Variants in HNF4A observed in about 807,000 individuals in gnomAD.
The protein encoded by HNF4A is hepatocyte nuclear factor 4 alpha.
HNF4A carries 15 observed loss-of-function variants against 52.4 expected under a neutral mutation model. The observed-to-expected ratio is 0.29, with a 90% confidence interval of 0.19 to 0.44. The LOEUF (loss-of-function observed/expected upper bound fraction) is 0.44, where lower values mean the gene tolerates loss of function less well. Among genes scored for constraint, HNF4A ranks in the 20% least tolerant of loss-of-function variants. HNF4A has a pLI of 1.00. For missense variants in HNF4A, 479 were observed against 647.2 expected (o/e 0.74, Z 2.82); for synonymous variants, 280 against 264.4 (o/e 1.06, Z -0.57).
At chr20:44,424,443 G>T in intron 8 of HNF4A, 189 bp downstream of exon 8, 1 of 1,104,316 alleles carries the variant, frequency 9.1e-7, no homozygotes. Flanking sequence ...ATTTGTTCAG[G>T]CACCGAGAAC....
chr20:44,418,397 G>T, intron 5 of HNF4A, 28 bp from the exon 6 acceptor site: 1 of 1,600,492 alleles, frequency 6.2e-7, no homozygotes, highest in South Asian at 1.1e-5. Context: ...GGGTACAGAT[G>T]GCAAACACTG....
At chr20:44,407,845 A>G (rs2063525022) in intron 3 of HNF4A, among the ~76,000 whole-genome samples, 1 of 152,110 alleles carries the variant, frequency 6.6e-6, no homozygotes, top group African/African-American at 2.4e-5. Flanking sequence ...TATTGCAAAC[A>G]TCTGAGTACT....
chr20:44,412,187 A>G (rs1040237283), intron 3 of HNF4A, among the ~76,000 whole-genome samples: 36 of 152,232 alleles, frequency 2.4e-4, no homozygotes, highest in African/African-American at 7.7e-4. Flanking sequence ...GCAGTGAACT[A>G]GAGGGATGGA....
chr20:44,427,619 G>C (rs1432182759), intron 8 of HNF4A, among the ~76,000 whole-genome samples: 2 of 152,296 alleles, frequency 1.3e-5, no homozygotes, highest in East Asian at 3.9e-4. Flanking sequence ...AGCGGTTACT[G>C]TGTTCCAGAC....
intron 1 of HNF4A, among the ~76,000 whole-genome samples, chr20:44,385,017 G>GA (rs2063202155): frequency 7.2e-6 from 1 of 138,618 alleles, no homozygotes; most frequent in Non-Finnish European, 1.5e-5. Flanking sequence ...GGGAGGTGGG[G>GA]ATGCTGATAT....
Position 44,361,356 on chromosome 20 carries a change from A to T in HNF4A, c.49+5503A>T, listed in dbSNP as rs919626180. Among the ~76,000 whole-genome samples the T allele has an allele frequency of 7.9e-5, 12 of 152,300 alleles. 1 individual carries two copies. Among genetic ancestry groups the T allele is most frequent in the Middle Eastern group, 6.8e-3 (2 of 294 alleles). On this transcript the variant is annotated intron_variant, in intron 1 of 9. Coordinates refer to the HNF4A transcript ENST00000316673. The stretch of plus-strand genomic sequence containing the variant: ...CTTTCTCCCATTTAGTAAACAGAGG[A>T]ACTAAATATCCAGAGTGCATCTTGC...
At chr20:44,361,158 T>A (rs1381662109) in intron 1 of HNF4A, among the ~76,000 whole-genome samples, 1 of 152,102 alleles carries the variant, frequency 6.6e-6, no homozygotes, top group Non-Finnish European at 1.5e-5. Context: ...CTTCAGCCCC[T>A]ATGATTCACA....
chr20:44,375,314 T>C (rs2063073490), intron 1 of HNF4A, among the ~76,000 whole-genome samples: 2 of 152,164 alleles, frequency 1.3e-5, no homozygotes, highest in Non-Finnish European at 2.9e-5. Context: ...TAGACCTTTG[T>C]TGGATTCAGA....
At chr20:44,420,185 A>C (rs2063724750) in intron 7 of HNF4A, among the ~76,000 whole-genome samples, 2 of 151,990 alleles carry the variant, frequency 1.3e-5, no homozygotes, top group African/African-American at 4.8e-5. Flanking sequence ...TACAAAAATT[A>C]GCCAGGCATG....
At chr20:44,425,819 T>A (rs997686559) in intron 8 of HNF4A, among the ~76,000 whole-genome samples, 1 of 152,082 alleles carries the variant, frequency 6.6e-6, no homozygotes, top group Non-Finnish European at 1.5e-5. Flanking sequence ...CACACCCAGC[T>A]AATTCTTCAT....
intron 1 of HNF4A, among the ~76,000 whole-genome samples, chr20:44,375,994 C>T (rs2063081004): frequency 6.6e-6 from 1 of 152,096 alleles, no homozygotes; most frequent in Non-Finnish European, 1.5e-5. Flanking sequence ...TGCCTGTAAT[C>T]CCAGCACTTT....
chr20:44,388,926 A>G (rs1345278225), intron 1 of HNF4A, among the ~76,000 whole-genome samples: 1 of 152,172 alleles, frequency 6.6e-6, no homozygotes, highest in East Asian at 1.9e-4. Flanking sequence ...CACAGAAGAC[A>G]TTGGCTGACC....
chr20:44,423,949 G>T, intron 7 of HNF4A, 69 bp from the exon 8 acceptor site: 2 of 1,479,490 alleles, frequency 1.4e-6, no homozygotes, highest in Non-Finnish European at 1.9e-6. Flanking sequence ...GGGGACATCT[G>T]GGTCTTGACT....
At chr20:44,374,153 C>G (rs931800945) in intron 1 of HNF4A, among the ~76,000 whole-genome samples, 3 of 152,120 alleles carry the variant, frequency 2.0e-5, no homozygotes, top group African/African-American at 4.8e-5. Context: ...TCTAGAAGTC[C>G]GCAGCGTCTA....
chr20:44,382,224 G>GCTTT (rs1208319487), intron 1 of HNF4A, among the ~76,000 whole-genome samples: 16 of 148,190 alleles, frequency 1.1e-4, no homozygotes, highest in South Asian at 2.2e-4. Context: ...AAGGGGCATA[G>GCTTT]CTTTCTTTCT....
intron 1 of HNF4A, among the ~76,000 whole-genome samples, chr20:44,382,809 T>C (rs1304245567): frequency 1.3e-5 from 2 of 152,174 alleles, no homozygotes; most frequent in African/African-American, 4.8e-5. Context: ...ACTAAATAAA[T>C]AAATCATCCA....
At chr20:44,414,469 G>T (rs762040249) in intron 4 of HNF4A, 38 bp from the exon 5 acceptor site, 1 of 1,613,926 alleles carries the variant, frequency 6.2e-7, no homozygotes, top group Non-Finnish European at 8.5e-7. Context: ...GGGAGGGCCC[G>T]GACATCTCCA....
Position 44,355,868 on chromosome 20 carries a change from G to A in HNF4A, c.49+15G>A, listed in dbSNP as rs1314440537. On this transcript the variant is annotated intron_variant, in intron 1 of 9. Transcript: ENST00000316673. ...GAGTTCTTACGGTAAGTGGGGCTGG[G>A]GGAAGACTGGACAGGGCGGGACTGC... 5 of 1,608,876 alleles carry A rather than the reference G, an allele frequency of 3.1e-6. No homozygotes were observed. Among genetic ancestry groups the A allele is most frequent in the Non-Finnish European group, 4.3e-6 (5 of 1,175,998 alleles).
At chr20:44,413,933 A>G in intron 4 of HNF4A, 133 bp downstream of exon 4, 1 of 709,642 alleles carries the variant, frequency 1.4e-6, no homozygotes, top group Admixed American at 2.0e-5. Flanking sequence ...CAGAAGGGAC[A>G]CTGAGTCCGG....
Sources: gnomAD v4.1 joint callset for allele counts (sites outside exome capture counted in the v4.1 genomes callset) on GRCh38, gnomAD v4.1.1 for gene constraint, MANE v1.5 for transcripts, NCBI Gene and HGNC (gene_info 2026-07-23, HGNC 2026-07-21) for gene names.